Variants in FAM20B observed in about 807,000 individuals in gnomAD.
The protein encoded by FAM20B is FAM20B glycosaminoglycan xylosylkinase.
FAM20B carries 23 observed loss-of-function variants against 43.8 expected under a neutral mutation model. That is an observed-to-expected ratio of 0.53 (90% CI 0.38 to 0.74). The LOEUF is 0.74. FAM20B is among the 30% of genes least tolerant of loss of function. FAM20B has a pLI of 0.00. For missense variants in FAM20B, 440 were observed against 510.5 expected (o/e 0.86, Z 1.33); for synonymous variants, 178 against 192.4 (o/e 0.93, Z 0.62).
intron 6 of FAM20B, 62 bp downstream of exon 6, chr1:179,064,558 T>C: frequency 7.6e-7 from 1 of 1,315,616 alleles, no homozygotes; most frequent in Non-Finnish European, 1.1e-6. Flanking sequence ...AAGGGCATTT[T>C]CCAGAGCATC....
Position 179,064,364 on chromosome 1 carries a change from GC to G in FAM20B, c.809del (p.Pro270ArgfsTer15). On this transcript the variant is annotated frameshift_variant, in exon 6 of 8. Coordinates refer to ENST00000263733, the MANE Select transcript of FAM20B (RefSeq NM_014864.4). LOFTEE classifies it high-confidence loss of function. ...AVKKTSPYDSGPRLLDIIDTA... is the reference protein window; with the variant it reads ...AVKKTSPYDSXPRLLDIIDTA... ...AAGAAAACGTCCCCTTATGACTCTGGCCCGCGCCTCTTGGACATCATTGACA... is the reference window on the plus strand; with the variant it reads ...AAGAAAACGTCCCCTTATGACTCTGGCCGCGCCTCTTGGACATCATTGACA... 1 of 1,614,076 alleles carries G rather than the reference GC, an allele frequency of 6.2e-7. No individual in the cohort carries two copies.
At chr1:179,071,771 G>A (rs1359309102) in intron 7 of FAM20B, 142 bp from the exon 8 acceptor site, 4 of 641,778 alleles carry the variant, frequency 6.2e-6, no homozygotes, top group Non-Finnish European at 1.1e-5. Flanking sequence ...TACTCATTAT[G>A]TAGGGGTAAT....
upstream of FAM20B, among the ~76,000 whole-genome samples, chr1:179,023,585 A>G (rs971249530): frequency 1.3e-5 from 2 of 152,238 alleles, no homozygotes; most frequent in Non-Finnish European, 2.9e-5. Context: ...GTAGACATTC[A>G]TTAAATGAAT....
chr1:179,033,023 TAA>T (rs1166525522), intron 1 of FAM20B, among the ~76,000 whole-genome samples: 1 of 152,188 alleles, frequency 6.6e-6, no homozygotes, highest in Non-Finnish European at 1.5e-5. Context: ...TAACAGTTAA[TAA>T]TAATATGCAC....
Position 179,043,910 on chromosome 1 carries a change from A to G in FAM20B, c.63A>G (p.Lys21=). Residue 21 remains lysine, a synonymous_variant, in exon 2 of 8, where the codon AAA becomes AAG. Transcript: ENST00000263733. ...TCCTTGTCATTTTTATCTTCACCAAAGTTTTCCTGATTGACAACTTAGATA... is the reference window on the plus strand; with the variant it reads ...TCCTTGTCATTTTTATCTTCACCAAGGTTTTCCTGATTGACAACTTAGATA... ...AILLVIFIFT[K]VFLIDNLDTS... is the part of the protein sequence containing the mutation. 1 of 1,611,264 alleles carries G rather than the reference A, an allele frequency of 6.2e-7. No homozygotes were observed. Among genetic ancestry groups the G allele is most frequent in the Non-Finnish European group, 8.5e-7 (1 of 1,177,546 alleles).
chr1:179,040,023 A>G (rs535168497), intron 1 of FAM20B, among the ~76,000 whole-genome samples: 1 of 152,344 alleles, frequency 6.6e-6, no homozygotes, highest in South Asian at 2.1e-4. Context: ...GACACAGCAC[A>G]TGTTTCAGAG....
At chr1:179,031,297 T>C (rs1557865201) in intron 1 of FAM20B, among the ~76,000 whole-genome samples, 2 of 152,244 alleles carry the variant, frequency 1.3e-5, no homozygotes, top group Non-Finnish European at 2.9e-5. Context: ...TATACCTGGC[T>C]TATTTAAAGG....
At chr1:179,052,532 C>T (rs943044871) in intron 3 of FAM20B, among the ~76,000 whole-genome samples, 19 of 152,198 alleles carry the variant, frequency 1.2e-4, no homozygotes, top group African/African-American at 4.6e-4. Context: ...ATCCTTTGAA[C>T]AAATAACTGC....
At chr1:179,068,230 T>A (rs899813142) in intron 7 of FAM20B, among the ~76,000 whole-genome samples, 1 of 152,206 alleles carries the variant, frequency 6.6e-6, no homozygotes, top group Non-Finnish European at 1.5e-5. Context: ...TTCTTTCTTT[T>A]TTTAAATGAC....
At chr1:179,026,557 C>T (rs1210163228) in intron 1 of FAM20B, among the ~76,000 whole-genome samples, 2 of 152,168 alleles carry the variant, frequency 1.3e-5, no homozygotes, top group African/African-American at 4.8e-5. Flanking sequence ...CGCGCCCTCG[C>T]GGGGTCTTTG....
intron 1 of FAM20B, among the ~76,000 whole-genome samples, chr1:179,041,532 A>G (rs1378954130): frequency 6.6e-6 from 1 of 152,208 alleles, no homozygotes; most frequent in African/African-American, 2.4e-5. Context: ...AGGCTGAGGC[A>G]GGAGAATCAG....
intron 1 of FAM20B, among the ~76,000 whole-genome samples, chr1:179,043,488 A>G (rs1222337161): frequency 6.6e-6 from 1 of 152,148 alleles, no homozygotes; most frequent in African/African-American, 2.4e-5. Context: ...AGCCCTGGCC[A>G]TGCCTCTCCC....
At chr1:179,054,912 C>A (rs1557875138) in intron 4 of FAM20B, among the ~76,000 whole-genome samples, 1 of 152,154 alleles carries the variant, frequency 6.6e-6, no homozygotes, top group South Asian at 2.1e-4. Flanking sequence ...CTTCTGCTTT[C>A]TCTTAGAGCT....
intron 1 of FAM20B, among the ~76,000 whole-genome samples, chr1:179,037,547 C>T (rs1650298908): frequency 7.5e-6 from 1 of 133,108 alleles, no homozygotes; most frequent in South Asian, 2.5e-4. Context: ...TGCAATGGCA[C>T]GATCTCAGCT....
intron 1 of FAM20B, among the ~76,000 whole-genome samples, chr1:179,030,051 A>G (rs1027911847): frequency 2.6e-5 from 4 of 152,124 alleles, no homozygotes; most frequent in African/African-American, 7.2e-5. Flanking sequence ...TGCTGCTGTT[A>G]GTATCCTTGC....
At chr1:179,019,760 C>T in the FAM20B span, among the ~76,000 whole-genome samples, 1 of 152,144 alleles carries the variant, frequency 6.6e-6, no homozygotes, top group East Asian at 1.9e-4. Context: ...CTGCGCCTGG[C>T]CGAGACCCTT....
At position 179,075,513 on chromosome 1, in the gene FAM20B, G is replaced by A. The variant is rs766396439; in HGVS notation, c.*3369G>A. The A allele has an allele frequency of 3.3e-5, 5 of 152,654 alleles. No individual in the cohort carries two copies. Among genetic ancestry groups the A allele is most frequent in the Middle Eastern group, 3.4e-3 (1 of 294 alleles). The allele number at this position is 152,654 out of a possible 1,614,324, so 9.5% of individuals were successfully genotyped here. ...GTAAGGCTGCATTGTGGGTTTGGGG[G>A]AAATGTAAATAATTTTCTGTGTAAA... On this transcript the variant is annotated 3_prime_UTR_variant, in exon 8 of 8. Coordinates refer to ENST00000263733, the MANE Select transcript of FAM20B (RefSeq NM_014864.4).
chr1:179,067,815 G>T (rs1415812766), intron 7 of FAM20B, among the ~76,000 whole-genome samples: 1 of 152,032 alleles, frequency 6.6e-6, no homozygotes, highest in Non-Finnish European at 1.5e-5. Flanking sequence ...CCAGGTAGGA[G>T]TGTGGTGGTG....
rs186159386 is a variant in FAM20B at position 179,059,760 on chromosome 1, C to A, written c.575-4167C>A. Among the ~76,000 whole-genome samples, 6 of 152,028 alleles carry A rather than the reference C, an allele frequency of 3.9e-5. No individual in the cohort carries two copies. In the East Asian group the frequency reaches 1.2e-3, roughly 29 times the overall value. ...GCTGAGGCAGGAGGATCACATGAGG[C>A]CAGGAGTTTGAGACCAGCCTGGCCA... On this transcript the variant is annotated intron_variant, in intron 4 of 7. Coordinates refer to ENST00000263733, the MANE Select transcript of FAM20B (RefSeq NM_014864.4).
Sources: allele counts gnomAD v4.1 joint callset (sites outside exome capture counted in the v4.1 genomes callset), GRCh38; gene constraint gnomAD v4.1.1; transcripts MANE v1.5; gene names NCBI Gene and HGNC (gene_info 2026-07-23, HGNC 2026-07-21).